The following ATP6V1E1 variants were observed in gnomAD, a reference collection of about 807,000 sequenced individuals.
ATP6V1E1 encodes the protein V-type proton ATPase subunit E 1.
ATP6V1E1 carries 21 observed loss-of-function variants against 35.2 expected under a neutral mutation model. The ratio of observed to expected loss-of-function variants is 0.60; its 90% CI spans 0.42 to 0.86. ATP6V1E1 has a LOEUF of 0.86. Among genes scored for constraint, ATP6V1E1 ranks in the 40% least tolerant of loss-of-function variants. ATP6V1E1 has a pLI of 0.00. For missense variants in ATP6V1E1, 183 were observed against 272.6 expected, an observed-to-expected ratio of 0.67 and a Z score of 2.32; for synonymous variants, 83 against 87.8, an observed-to-expected ratio of 0.95 and a Z score of 0.30.
chr22:17,605,020 G>A (rs1435608747), intron 4 of ATP6V1E1, among the ~76,000 whole-genome samples: 4 of 151,504 alleles, frequency 2.6e-5, no homozygotes, highest in Non-Finnish European at 2.9e-5. Flanking sequence ...GTTTGAGACC[G>A]GCTTGGCCAA....
intron 6 of ATP6V1E1, among the ~76,000 whole-genome samples, chr22:17,599,279 A>G (rs1426135434): frequency 1.5e-5 from 2 of 131,656 alleles, no homozygotes; most frequent in African/African-American, 7.0e-5. Context: ...TACCACCATT[A>G]AAAAAAAAAA....
chr22:17,610,443 A>G (rs1486023074), intron 4 of ATP6V1E1, among the ~76,000 whole-genome samples: 3 of 152,166 alleles, frequency 2.0e-5, no homozygotes, highest in Admixed American at 6.6e-5. Context: ...AACCATTTCT[A>G]TAATATGTTA....
intron 5 of ATP6V1E1, 98 bp from the exon 6 acceptor site, chr22:17,600,193 G>A: frequency 1.8e-6 from 2 of 1,092,508 alleles, no homozygotes; most frequent in Admixed American, 1.9e-5. Context: ...CTAACACTTT[G>A]GAAGGCCAAG....
In ATP6V1E1 at chr22:17,628,606, C is replaced by A; in HGVS notation, c.30G>T (p.Lys10Asn). 1.2e-6 allele frequency: 2 copies of A among 1,614,190 alleles called. No individual in the cohort carries two copies. The highest frequency in any genetic ancestry group is 1.7e-6 in the Non-Finnish European group (2 of 1,180,040). MALSDADVQ[K>N]QIKHMMAFIE... The stretch of plus-strand genomic sequence containing the variant: ...AAGACCCAACCAAGCCCCTCACCTG[C>A]TTTTGCACGTCAGCATCGCTGAGAG... The change falls in exon 1 of 9, where the codon AAG (lysine) becomes AAT (asparagine). Residue 10 changes from lysine (K) to asparagine (N), a missense_variant. Lys to Asn is a moderately conservative substitution (Grantham distance 94, BLOSUM62 0). Coordinates refer to ENST00000253413, the MANE Select transcript of ATP6V1E1 (RefSeq NM_001696.4).
chr22:17,595,869 G>A (rs935118393), intron 7 of ATP6V1E1, among the ~76,000 whole-genome samples: 3 of 151,552 alleles, frequency 2.0e-5, no homozygotes, highest in Non-Finnish European at 2.9e-5. Context: ...GGTGGCTCAC[G>A]CCTGTAATCC....
chr22:17,602,984 T>C (rs947774113), intron 4 of ATP6V1E1, among the ~76,000 whole-genome samples: 1 of 152,024 alleles, frequency 6.6e-6, no homozygotes, highest in Non-Finnish European at 1.5e-5. Context: ...GAAGACGGAG[T>C]CTCGCTCTGT....
intron 4 of ATP6V1E1, among the ~76,000 whole-genome samples, chr22:17,611,474 A>G (rs1422083452): frequency 6.6e-6 from 1 of 152,208 alleles, no homozygotes; most frequent in African/African-American, 2.4e-5. Flanking sequence ...AATCATCTCT[A>G]TGGTGTCCTA....
At chr22:17,615,208 G>C (rs1488272649) in intron 2 of ATP6V1E1, among the ~76,000 whole-genome samples, 1 of 152,138 alleles carries the variant, frequency 6.6e-6, no homozygotes, top group Admixed American at 6.5e-5. Flanking sequence ...GGCTGAGGCA[G>C]GAGAATTGCT....
chr22:17,622,393 T>C (rs190423018), intron 1 of ATP6V1E1, among the ~76,000 whole-genome samples: 10 of 152,144 alleles, frequency 6.6e-5, no homozygotes, highest in African/African-American at 2.4e-4. Flanking sequence ...CTTTTTAGGG[T>C]TTAACAATCT....
rs2057941642 is a variant in ATP6V1E1, at chr22:17,628,734, G to C, written c.-99C>G. ...AAAGGGAACCCCTGCGCAGATCTCG[G>C]GTTCCTTTACTTTATAACCGCGGGT... On this transcript the variant is annotated 5_prime_UTR_variant, in exon 1 of 9. Transcript: ENST00000253413. 2 of 1,541,002 alleles carry C rather than the reference G, an allele frequency of 1.3e-6. No individual in the cohort carries two copies. The highest frequency in any genetic ancestry group is 2.7e-5 in the African/African-American group (2 of 72,888).
Position 17,592,571 on chromosome 22 carries a change from G to A in ATP6V1E1, c.*103C>T, listed in dbSNP as rs2057708534. ...CGCTGATAAATACAGAGCAATACTG[G>A]GGCAGTGAAGAGGAAGCTACAGAGA... On this transcript the variant is annotated 3_prime_UTR_variant, in exon 9 of 9. Transcript: ENST00000253413. 2 of 1,184,214 alleles carry A rather than the reference G, an allele frequency of 1.7e-6. No individual in the cohort carries two copies. The highest frequency in any genetic ancestry group is 2.5e-6 in the Non-Finnish European group (2 of 794,296). 73.4% of individuals were successfully genotyped at this position (1,184,214 alleles called of 1,614,324 possible).
At chr22:17,628,770 G>T, upstream of ATP6V1E1, 1 of 1,182,008 alleles carries the variant, frequency 8.5e-7, no homozygotes, top group Non-Finnish European at 1.2e-6. Context: ...TCCGGTTCCT[G>T]CCAGGTGACT....
At chr22:17,592,793 T>C (rs909035797) in intron 8 of ATP6V1E1, 57 bp from the exon 9 acceptor site, 12 of 999,256 alleles carry the variant, frequency 1.2e-5, no homozygotes, top group Non-Finnish European at 1.8e-5. Context: ...TGTAGAGCGC[T>C]GCACATCTTT....
chr22:17,619,252 A>G (rs2057862934), intron 2 of ATP6V1E1: 4 of 565,644 alleles, frequency 7.1e-6, no homozygotes, highest in Non-Finnish European at 9.4e-6. Flanking sequence ...AGATCGCGCC[A>G]TTGCACTTCA....
Position 17,628,481 on chromosome 22 carries a change from G to A in ATP6V1E1, c.33+122C>T, listed in dbSNP as rs2057936851. 3.7e-6 allele frequency: 5 copies of A among 1,362,844 alleles called. No individual in the cohort carries two copies. The East Asian group carries it at 9.2e-5, about 25-fold the overall frequency. 84.4% of individuals were successfully genotyped at this position (1,362,844 alleles called of 1,614,324 possible). ...GCCGACCTCTTGGATCTGGTGACTT[G>A]GAGCAAGGGACCTTCCTGCGGCATC... is the stretch of plus-strand genomic sequence containing the variant. On this transcript the variant is annotated intron_variant, in intron 1 of 8. Transcript: ENST00000253413.
chr22:17,608,119 T>A (rs1348256243), intron 4 of ATP6V1E1, among the ~76,000 whole-genome samples: 1 of 152,196 alleles, frequency 6.6e-6, no homozygotes, highest in Non-Finnish European at 1.5e-5. Context: ...GTCCAGGTCC[T>A]ATTAGACTGC....
At chr22:17,626,871 G>C (rs1018293410) in intron 1 of ATP6V1E1, among the ~76,000 whole-genome samples, 3 of 151,472 alleles carry the variant, frequency 2.0e-5, no homozygotes, top group African/African-American at 7.3e-5. Flanking sequence ...TAGAGATAAG[G>C]TCTATGTTGC....
At chr22:17,597,339 C>A (rs2057737210) in intron 7 of ATP6V1E1, among the ~76,000 whole-genome samples, 2 of 151,782 alleles carry the variant, frequency 1.3e-5, no homozygotes, top group Admixed American at 1.3e-4. Context: ...GAGAAAATGA[C>A]ACTGGCTCTC....
intron 1 of ATP6V1E1, among the ~76,000 whole-genome samples, chr22:17,623,477 C>T (rs2057888283): frequency 6.6e-6 from 1 of 152,106 alleles, no homozygotes; most frequent in African/African-American, 2.4e-5. Context: ...TCAAGACCAG[C>T]CTGACCAACA....
Sources: gnomAD v4.1 joint callset for allele counts (sites outside exome capture counted in the v4.1 genomes callset) on GRCh38, gnomAD v4.1.1 for gene constraint, MANE v1.5 for transcripts, NCBI Gene and HGNC (gene_info 2026-07-23, HGNC 2026-07-21) for gene names.